The following EIF4E3 variants were observed in gnomAD, a reference collection of about 807,000 sequenced individuals.
The protein encoded by EIF4E3 is eukaryotic translation initiation factor 4E family member 3.
Under a neutral mutation model 31.7 loss-of-function variants are expected in EIF4E3, and 26 were observed. The observed-to-expected ratio is 0.82, with a 90% confidence interval of 0.60 to 1.14. EIF4E3 has a LOEUF of 1.14. Ranked by LOEUF, EIF4E3 falls within the 50% of genes most tolerant of loss-of-function variation. EIF4E3 has a pLI of 0.00. For missense variants in EIF4E3, 304 were observed against 270.9 expected, an observed-to-expected ratio of 1.12 and a Z score of -0.86; for synonymous variants, 128 against 107.7, an observed-to-expected ratio of 1.19 and a Z score of -1.17.
Position 71,679,462 on chromosome 3 carries a change from C to A in EIF4E3, c.*5220G>T, listed in dbSNP as rs1398131909. 3 of 151,942 alleles carry A rather than the reference C, an allele frequency of 2.0e-5. No individual in the cohort carries two copies. The highest frequency in any genetic ancestry group is 6.6e-5 in the Admixed American group (1 of 15,262). The allele number at this position is 151,942 out of a possible 1,614,324, so 9.4% of individuals were successfully genotyped here. A position where few individuals can be genotyped will look rare whatever the true frequency, so the allele number is the denominator to read the frequency against. On this transcript the variant is annotated 3_prime_UTR_variant, in exon 7 of 7. Transcript: ENST00000425534. The stretch of plus-strand genomic sequence containing the variant: ...TTGGTAACTTTTTTCAGGCAGCAAC[C>A]AAAACAAAAACATTTAACACAGATT...
chr3:71,667,222 C>T, the EIF4E3 span, among the ~76,000 whole-genome samples: 34 of 152,274 alleles, frequency 2.2e-4, no homozygotes, highest in East Asian at 1.2e-3. Context: ...TAAAAACACT[C>T]AATAAACTAG....
chr3:71,683,223 A>T lies in EIF4E3; in HGVS notation c.*1459T>A, dbSNP rs2048945008. 1 of 152,234 alleles carries T rather than the reference A, an allele frequency of 6.6e-6. No homozygotes were observed. The highest frequency in any genetic ancestry group is 1.5e-5 in the Non-Finnish European group (1 of 68,036). The allele number at this position is 152,234 out of a possible 1,614,324, so 9.4% of individuals were successfully genotyped here. A position where few individuals can be genotyped will look rare whatever the true frequency, so the allele number is the denominator to read the frequency against. On this transcript the variant is annotated 3_prime_UTR_variant, in exon 7 of 7. Coordinates refer to ENST00000425534, the MANE Select transcript of EIF4E3 (RefSeq NM_001134651.2). ...GTCCTTTAAAATGTTTGAATGGAGA[A>T]TTTTATCTACAAACACATAGTGGAG...
At chr3:71,665,894 A>G in the EIF4E3 span, among the ~76,000 whole-genome samples, 56 of 152,244 alleles carry the variant, frequency 3.7e-4, no homozygotes, top group Non-Finnish European at 1.5e-4. Context: ...AAGTTCTTTG[A>G]AACCAATGAG....
chr3:71,685,995 T>C (rs1176897149), intron 6 of EIF4E3, among the ~76,000 whole-genome samples: 1 of 152,212 alleles, frequency 6.6e-6, no homozygotes, highest in Non-Finnish European at 1.5e-5. Context: ...TTTTTGTTTT[T>C]TAAGACTGGG....
rs1223238850 is a variant in EIF4E3 at position 71,680,981 on chromosome 3, A to G, written c.*3701T>C. The G allele has an allele frequency of 1.3e-5, 2 of 152,230 alleles. No individual in the cohort carries two copies. The highest frequency in any genetic ancestry group is 2.4e-5 in the African/African-American group (1 of 41,462). The allele number at this position is 152,230 out of a possible 1,614,324, so 9.4% of individuals were successfully genotyped here. On this transcript the variant is annotated 3_prime_UTR_variant, in exon 7 of 7. Coordinates refer to ENST00000425534, the MANE Select transcript of EIF4E3 (RefSeq NM_001134651.2). The stretch of plus-strand genomic sequence containing the variant: ...TTCCATATTCAGAGTGCTAAAAAAA[A>G]TCAACTCCTAATTTTCTCTCTTTGG...
chr3:71,732,140 C>T (rs1219708309), intron 1 of EIF4E3, among the ~76,000 whole-genome samples: 1 of 152,148 alleles, frequency 6.6e-6, no homozygotes, highest in Non-Finnish European at 1.5e-5. Flanking sequence ...CCCAGCTTTA[C>T]TGAATCAATG....
chr3:71,674,737 G>A (rs1471409781), downstream of EIF4E3, among the ~76,000 whole-genome samples: 2 of 152,136 alleles, frequency 1.3e-5, no homozygotes, highest in Non-Finnish European at 2.9e-5. Flanking sequence ...CTGTATGGAT[G>A]AATTGATACA....
At chr3:71,735,210 T>C (rs2049750121) in intron 1 of EIF4E3, among the ~76,000 whole-genome samples, 1 of 152,220 alleles carries the variant, frequency 6.6e-6, no homozygotes, top group Non-Finnish European at 1.5e-5. Context: ...TTTTTTCAAA[T>C]CTGCATTAAA....
At chr3:71,670,828 G>A (rs1177464341), downstream of EIF4E3, among the ~76,000 whole-genome samples, 1 of 152,162 alleles carries the variant, frequency 6.6e-6, no homozygotes, top group Non-Finnish European at 1.5e-5. Flanking sequence ...CACACTCTGT[G>A]GTGGGAGAAT....
intron 2 of EIF4E3, among the ~76,000 whole-genome samples, chr3:71,700,268 T>C (rs1054846129): frequency 1.9e-4 from 29 of 152,324 alleles, no homozygotes; most frequent in African/African-American, 6.7e-4. Flanking sequence ...CTATGGTTAT[T>C]AAGCAAACAT....
chr3:71,713,552 T>C (rs1331207687), intron 1 of EIF4E3, among the ~76,000 whole-genome samples: 1 of 152,142 alleles, frequency 6.6e-6, no homozygotes, highest in African/African-American at 2.4e-5. Context: ...TCCTTCTGCC[T>C]CAGCCTTCCA....
intron 3 of EIF4E3, among the ~76,000 whole-genome samples, chr3:71,698,679 G>A (rs937365519): frequency 6.6e-6 from 1 of 152,228 alleles, no homozygotes; most frequent in African/African-American, 2.4e-5. Context: ...ATGAGACCCA[G>A]ACCTGGGATT....
intron 1 of EIF4E3, among the ~76,000 whole-genome samples, chr3:71,724,814 C>G (rs1432195234): frequency 6.6e-6 from 1 of 152,190 alleles, no homozygotes; most frequent in African/African-American, 2.4e-5. Context: ...AGGCGCCCCG[C>G]GGGGTAAGCA....
the EIF4E3 span, among the ~76,000 whole-genome samples, chr3:71,659,463 C>A: frequency 6.6e-6 from 1 of 152,214 alleles, no homozygotes; most frequent in African/African-American, 2.4e-5. Context: ...ATGGCATCAA[C>A]TGTGACAGGG....
chr3:71,710,381 T>C, intron 2 of EIF4E3, 31 bp downstream of exon 2: 1 of 1,548,302 alleles, frequency 6.5e-7, no homozygotes, highest in Non-Finnish European at 8.7e-7. Flanking sequence ...GTGTGCCGTG[T>C]TAATCCAGTT....
At chr3:71,747,815 C>T (rs2049889016) in intron 1 of EIF4E3, among the ~76,000 whole-genome samples, 1 of 151,944 alleles carries the variant, frequency 6.6e-6, no homozygotes, top group Non-Finnish European at 1.5e-5. Context: ...GGGGTTGGGG[C>T]GCAATTTCAT....
rs1026828744 is a variant in EIF4E3 at position 71,725,045 on chromosome 3, C to T, written c.176+147G>A. ...TGGCTTCCGACCCGGCGGGGCGAGT[C>T]CCGGGGTGCGCAGGCGGACGCGCGG... On this transcript the variant is annotated intron_variant, in intron 1 of 6. Transcript: ENST00000425534. This position sits in a 1 kb window ranked among gnomAD's most constrained non-coding sequence, Gnocchi z 6.1. 5.1e-6 allele frequency: 3 copies of T among 586,158 alleles called. No individual in the cohort carries two copies. The highest frequency in any genetic ancestry group is 2.0e-5 in the African/African-American group (1 of 49,416). The allele number at this position is 586,158 out of a possible 1,614,324, so 36.3% of individuals were successfully genotyped here.
chr3:71,688,912 G>T (rs2049027377), intron 6 of EIF4E3, among the ~76,000 whole-genome samples: 2 of 152,080 alleles, frequency 1.3e-5, no homozygotes, highest in South Asian at 4.1e-4. Flanking sequence ...AGGTCATTTG[G>T]CCTGTAATTA....
chr3:71,686,761 G>A (rs1209728859), intron 6 of EIF4E3, among the ~76,000 whole-genome samples: 1 of 152,058 alleles, frequency 6.6e-6, no homozygotes, highest in Non-Finnish European at 1.5e-5. Flanking sequence ...AGGTGTGAGG[G>A]GCAGTCTGGG....
Sources: allele counts gnomAD v4.1 joint callset (sites outside exome capture counted in the v4.1 genomes callset), GRCh38; gene constraint gnomAD v4.1.1; non-coding constraint Gnocchi (gnomAD v3.1); transcripts MANE v1.5; gene names NCBI Gene and HGNC (gene_info 2026-07-23, HGNC 2026-07-21).